Variants in IQCM observed in about 807,000 individuals in gnomAD.
IQCM encodes IQ motif containing M, also known as IQ domain-containing protein M.
A neutral mutation model predicts 57.6 loss-of-function variants in IQCM; 45 were observed. That is an observed-to-expected ratio of 0.78 (90% CI 0.62 to 1.00). The LOEUF (loss-of-function observed/expected upper bound fraction) is 1.00. IQCM is among the 50% of genes least tolerant of loss of function. The pLI, the probability that IQCM is intolerant of heterozygous loss-of-function variation, is 0.00. For missense variants in IQCM, 468 were observed against 511.6 expected, an observed-to-expected ratio of 0.91 and a Z score of 0.82; for synonymous variants, 148 against 158.9, an observed-to-expected ratio of 0.93 and a Z score of 0.51.
intron 7 of IQCM, among the ~76,000 whole-genome samples, chr4:149,668,679 A>G (rs1287493807): frequency 6.6e-6 from 1 of 152,190 alleles, no homozygotes; most frequent in East Asian, 1.9e-4. Context: ...GAAAATGTGA[A>G]TTATTATAAG....
At chr4:149,422,557 G>T (rs1278174253) in intron 13 of IQCM, among the ~76,000 whole-genome samples, 1 of 152,092 alleles carries the variant, frequency 6.6e-6, no homozygotes, top group East Asian at 1.9e-4. Context: ...TTTGCCCAGA[G>T]AAATTACTTT....
intron 12 of IQCM, among the ~76,000 whole-genome samples, chr4:149,479,833 G>T (rs1198991561): frequency 6.6e-6 from 1 of 152,192 alleles, no homozygotes; most frequent in Non-Finnish European, 1.5e-5. Context: ...AGGCAGCCAT[G>T]CATAGGGAGC....
At chr4:149,573,196 A>C (rs1002570873) in intron 9 of IQCM, among the ~76,000 whole-genome samples, 1 of 151,384 alleles carries the variant, frequency 6.6e-6, no homozygotes, top group Non-Finnish European at 1.5e-5. Flanking sequence ...AAGGTTATTA[A>C]ATTATATACA....
At chr4:149,427,731 A>C (rs923438017) in intron 13 of IQCM, among the ~76,000 whole-genome samples, 1 of 151,908 alleles carries the variant, frequency 6.6e-6, no homozygotes, top group African/African-American at 2.4e-5. Context: ...GTAAACATAA[A>C]ACATTTCTCC....
At chr4:149,599,403 T>C (rs1236208019) in intron 8 of IQCM, among the ~76,000 whole-genome samples, 3 of 152,116 alleles carry the variant, frequency 2.0e-5, no homozygotes, top group Non-Finnish European at 2.9e-5. Flanking sequence ...TGTGTACATG[T>C]GCTAAAATTG....
At chr4:149,539,438 T>C (rs369588232) in intron 12 of IQCM, among the ~76,000 whole-genome samples, 2 of 152,172 alleles carry the variant, frequency 1.3e-5, no homozygotes, top group South Asian at 2.1e-4. Context: ...TTTGAGGTTA[T>C]GAAAATCTTT....
At chr4:149,380,322 A>G (rs1730989490) in intron 13 of IQCM, among the ~76,000 whole-genome samples, 1 of 152,092 alleles carries the variant, frequency 6.6e-6, no homozygotes, top group Admixed American at 6.6e-5. Context: ...GTAACTCTAT[A>G]CACACAAAGT....
chr4:149,727,952 T>C (rs1580139235), intron 5 of IQCM, among the ~76,000 whole-genome samples: 1 of 152,210 alleles, frequency 6.6e-6, no homozygotes. Context: ...GGTACCACTA[T>C]TGGTAGTTTG....
intron 7 of IQCM, among the ~76,000 whole-genome samples, chr4:149,677,021 G>C (rs544473674): frequency 6.6e-5 from 10 of 152,108 alleles, no homozygotes; most frequent in African/African-American, 2.2e-4. Context: ...AAGAAAATTG[G>C]CACATCCACA....
intron 7 of IQCM, among the ~76,000 whole-genome samples, chr4:149,627,272 G>T (rs1756897057): frequency 6.6e-6 from 1 of 152,130 alleles, no homozygotes; most frequent in Non-Finnish European, 1.5e-5. Flanking sequence ...TTTGAGACAG[G>T]TGTCTGCAAG....
At chr4:149,502,848 C>A (rs1434276058) in intron 12 of IQCM, among the ~76,000 whole-genome samples, 2 of 151,866 alleles carry the variant, frequency 1.3e-5, no homozygotes, top group Non-Finnish European at 2.9e-5. Context: ...CAGAGGAAGG[C>A]CAAATAAACT....
intron 7 of IQCM, among the ~76,000 whole-genome samples, chr4:149,634,715 T>A (rs1757579266): frequency 6.6e-6 from 1 of 152,210 alleles, no homozygotes; most frequent in Non-Finnish European, 1.5e-5. Context: ...GAAGCCTCTA[T>A]CAAATATAAT....
chr4:149,478,496 T>C (rs1352001656), intron 12 of IQCM, among the ~76,000 whole-genome samples: 7 of 152,146 alleles, frequency 4.6e-5, no homozygotes, highest in Non-Finnish European at 1.0e-4. Flanking sequence ...TCATGATACA[T>C]AATTAGTGAG....
chr4:149,442,106 C>T (rs944354726), intron 12 of IQCM, among the ~76,000 whole-genome samples: 1 of 152,122 alleles, frequency 6.6e-6, no homozygotes, highest in Non-Finnish European at 1.5e-5. Flanking sequence ...AGAAAACTAT[C>T]CTCATTTCTA....
At chr4:149,627,448 A>T (rs1756910471) in intron 7 of IQCM, among the ~76,000 whole-genome samples, 1 of 152,224 alleles carries the variant, frequency 6.6e-6, no homozygotes, top group African/African-American at 2.4e-5. Flanking sequence ...ACTAGGGCCT[A>T]TATTAATCAT....
intron 13 of IQCM, among the ~76,000 whole-genome samples, chr4:149,365,385 A>G (rs1391726767): frequency 1.3e-5 from 2 of 152,222 alleles, no homozygotes; most frequent in Admixed American, 6.5e-5. Context: ...ATAACTATTT[A>G]CTAGTATAAT....
intron 2 of IQCM, among the ~76,000 whole-genome samples, chr4:149,753,622 C>A (rs1442809324): frequency 6.6e-6 from 1 of 151,200 alleles, no homozygotes; most frequent in Non-Finnish European, 1.5e-5. Context: ...AGGAGATATA[C>A]CTAATGTAAA....
At chr4:149,807,263 A>T (rs988462345) in intron 2 of IQCM, among the ~76,000 whole-genome samples, 1 of 152,046 alleles carries the variant, frequency 6.6e-6, no homozygotes. Flanking sequence ...AAATTATTCT[A>T]AAAAAGCTAC....
Position 149,608,213 on chromosome 4 carries a change from T to A in IQCM, c.681+12916A>T, listed in dbSNP as rs531153346. Reference sequence around the variant, plus strand: ...GAGGAGACAATACAGCAAGAGAATATAACAATTTCCAAATTATATTCATCC... The same window carrying A: ...GAGGAGACAATACAGCAAGAGAATAAAACAATTTCCAAATTATATTCATCC... On this transcript the variant is annotated intron_variant, in intron 8 of 13. Coordinates refer to ENST00000636793, the MANE Select transcript of IQCM (RefSeq NM_001363507.2). Among the ~76,000 whole-genome samples, 8 of 151,990 alleles carry A rather than the reference T, an allele frequency of 5.3e-5. No individual in the cohort carries two copies. The East Asian group carries it at 9.7e-4, about 18-fold the overall frequency.
Sources: allele counts gnomAD v4.1 joint callset (sites outside exome capture counted in the v4.1 genomes callset), GRCh38; gene constraint gnomAD v4.1.1; transcripts MANE v1.5; gene names NCBI Gene and HGNC (gene_info 2026-07-23, HGNC 2026-07-21).